The following SLC12A8 variants were observed in gnomAD, a reference collection of about 807,000 sequenced individuals.
SLC12A8 encodes the protein solute carrier family 12 member 8, also known as cation-chloride cotransporter 9.
In SLC12A8, 69 loss-of-function variants were observed where a neutral mutation model predicts 75.6. The ratio of observed to expected loss-of-function variants is 0.91; its 90% confidence interval spans 0.75 to 1.11. SLC12A8 has a LOEUF of 1.11. Among genes scored for constraint, SLC12A8 ranks in the 50% most tolerant of loss-of-function variants. The pLI is 0.00. For missense variants in SLC12A8, 877 were observed against 896.7 expected, an observed-to-expected ratio of 0.98 and a Z score of 0.28; for synonymous variants, 365 against 372.8, an observed-to-expected ratio of 0.98 and a Z score of 0.24.
chr3:125,120,657 C>T lies in SLC12A8; in HGVS notation c.766G>A (p.Asp256Asn), dbSNP rs771820508. The part of the protein sequence containing the change: ...GVMAGFNMGG[D>N]LREPAASIPL... ...ATGCTGGCGGCAGGCTCCCTGAGGT[C>T]GCCCCCCATGTTGAAGCCGGCCATG... is the stretch of plus-strand genomic sequence containing the variant. The change falls in exon 7 of 14, where the codon GAC becomes AAC. Residue 256 changes from aspartate to asparagine, a missense_variant. Physicochemically the swap from Asp to Asn is conservative, Grantham distance 23. Coordinates refer to ENST00000469902, the MANE Select transcript of SLC12A8 (RefSeq NM_024628.6). 1 of 1,613,644 alleles carries T rather than the reference C, an allele frequency of 6.2e-7. No homozygotes were observed. The highest frequency in any genetic ancestry group is 1.1e-5 in the South Asian group (1 of 90,968).
chr3:125,088,046 T>G (rs1340996929), intron 13 of SLC12A8: 1 of 460,200 alleles, frequency 2.2e-6, no homozygotes, highest in East Asian at 3.4e-5. Context: ...AACCAGATTC[T>G]AAATAAAGCC....
chr3:125,134,026 GC>G (rs1438046625), intron 6 of SLC12A8, among the ~76,000 whole-genome samples: 2 of 151,952 alleles, frequency 1.3e-5, no homozygotes, highest in African/African-American at 2.4e-5. Context: ...ATATTTATTT[GC>G]TTTTTTTTTG....
chr3:125,091,616 C>A, intron 11 of SLC12A8, 60 bp from the exon 12 acceptor site: 1 of 1,122,644 alleles, frequency 8.9e-7, no homozygotes, highest in Non-Finnish European at 1.4e-6. Flanking sequence ...GTAAGCAAGC[C>A]ACAAGGCTAA....
At chr3:125,164,646 T>C (rs545937960) in intron 5 of SLC12A8, among the ~76,000 whole-genome samples, 13 of 152,372 alleles carry the variant, frequency 8.5e-5, no homozygotes, top group Admixed American at 3.3e-4. Flanking sequence ...CTCCAGGGTC[T>C]TGCCGGCCTG....
At chr3:125,151,277 C>T (rs1430589088) in intron 5 of SLC12A8, 1 of 153,372 alleles carries the variant, frequency 6.5e-6, no homozygotes, top group African/African-American at 2.4e-5. Context: ...TCATTGGCCT[C>T]TTGGCCCAAC....
rs149336847 is a variant in SLC12A8 at position 125,125,554 on chromosome 3, G to A, written c.737-4868C>T. On this transcript the variant is annotated intron_variant, in intron 6 of 13. Transcript: ENST00000469902. ...AGCCTGGGTGACAGAGCAAGACTCC[G>A]TCTCAAAAACAATAAAAATAAAAAA... 2.3e-3 allele frequency among the ~76,000 whole-genome samples: 343 copies of A among 152,172 alleles called. 3 individuals carry two copies. The highest frequency in any genetic ancestry group is 7.6e-3 in the African/African-American group (315 of 41,490).
At chr3:125,183,293 C>T (rs947078059) in intron 4 of SLC12A8, among the ~76,000 whole-genome samples, 14 of 152,168 alleles carry the variant, frequency 9.2e-5, no homozygotes, top group African/African-American at 3.4e-4. Flanking sequence ...TCTATTTCCT[C>T]CTAAATCTTA....
chr3:125,098,304 G>A (rs1938768376), intron 10 of SLC12A8, among the ~76,000 whole-genome samples: 6 of 152,068 alleles, frequency 3.9e-5, no homozygotes, highest in Admixed American at 3.9e-4. Context: ...TCCAAATGCT[G>A]AGCACTTATT....
At chr3:125,181,421 GA>G (rs1934655303) in intron 4 of SLC12A8, among the ~76,000 whole-genome samples, 1 of 149,734 alleles carries the variant, frequency 6.7e-6, no homozygotes, top group Non-Finnish European at 1.5e-5. Flanking sequence ...CTAACAAGGT[GA>G]AACCCCGTCT....
intron 2 of SLC12A8, among the ~76,000 whole-genome samples, chr3:125,194,469 G>A (rs911401327): frequency 6.6e-6 from 1 of 152,192 alleles, no homozygotes; most frequent in Admixed American, 6.5e-5. Flanking sequence ...TGTCTAGAAA[G>A]GTGGGGAAGT....
At chr3:125,141,288 G>T (rs1446463164) in intron 5 of SLC12A8, among the ~76,000 whole-genome samples, 1 of 152,210 alleles carries the variant, frequency 6.6e-6, no homozygotes, top group Non-Finnish European at 1.5e-5. Context: ...CCCGGAATTC[G>T]GGTAATTCAG....
intron 2 of SLC12A8, among the ~76,000 whole-genome samples, chr3:125,199,788 T>A (rs959590401): frequency 1.3e-5 from 2 of 151,572 alleles, no homozygotes; most frequent in Non-Finnish European, 2.9e-5. Flanking sequence ...CCAACTATAA[T>A]AAACATGAAA....
chr3:125,188,178 A>G (rs1013409355), intron 3 of SLC12A8, among the ~76,000 whole-genome samples: 1 of 152,170 alleles, frequency 6.6e-6, no homozygotes, highest in Admixed American at 6.5e-5. Context: ...GTTCGTTCAC[A>G]GGAGAGCTGG....
At chr3:125,211,965 A>G (rs1935345368) in intron 1 of SLC12A8, among the ~76,000 whole-genome samples, 1 of 150,940 alleles carries the variant, frequency 6.6e-6, no homozygotes, top group South Asian at 2.1e-4. Flanking sequence ...ACCCCCAGGC[A>G]CCCTCCCCTT....
At position 125,133,344 on chromosome 3, in the gene SLC12A8, T is replaced by TAC. The variant is rs374385025; in HGVS notation, c.736+2323_736+2324dup. 4.8e-3 allele frequency among the ~76,000 whole-genome samples: 721 copies of TAC among 149,250 alleles called. 12 individuals carry two copies. The highest frequency in any genetic ancestry group is 0.016 in the African/African-American group (643 of 40,778). The stretch of plus-strand genomic sequence containing the variant: ...ATAAAACCATCACTATAATCAGGAA[T>TAC]ACACACACACACACACACGCACACA... On this transcript the variant is annotated intron_variant, in intron 6 of 13. Transcript: ENST00000469902.
At chr3:125,142,659 A>G (rs892449375) in intron 5 of SLC12A8, among the ~76,000 whole-genome samples, 24 of 152,276 alleles carry the variant, frequency 1.6e-4, no homozygotes, top group Non-Finnish European at 3.4e-4. Context: ...TGAAACGCAA[A>G]TTTTGAGTCA....
intron 2 of SLC12A8, 26 bp downstream of exon 2, chr3:125,211,273 C>G (rs888273413): frequency 6.2e-7 from 1 of 1,609,036 alleles, no homozygotes; most frequent in Non-Finnish European, 8.5e-7. Flanking sequence ...GCCTCCATCA[C>G]AGACCCTGGC....
chr3:125,165,668 G>A (rs760034790), intron 5 of SLC12A8, among the ~76,000 whole-genome samples: 10 of 152,338 alleles, frequency 6.6e-5, no homozygotes, highest in Admixed American at 3.3e-4. Context: ...ATCCTCACCC[G>A]TCCGGGCAGA....
chr3:125,118,423 A>C (rs1932941813), intron 8 of SLC12A8, among the ~76,000 whole-genome samples: 1 of 152,122 alleles, frequency 6.6e-6, no homozygotes, highest in African/African-American at 2.4e-5. Flanking sequence ...CAGGAGTTTA[A>C]GACCAGCCTG....
Sources: gnomAD v4.1 joint callset for allele counts (sites outside exome capture counted in the v4.1 genomes callset) on GRCh38, gnomAD v4.1.1 for gene constraint, MANE v1.5 for transcripts, NCBI Gene and HGNC (gene_info 2026-07-23, HGNC 2026-07-21) for gene names.